The following EFNA4 variants were observed in gnomAD, a reference collection of about 807,000 sequenced individuals.
EFNA4 encodes the protein ephrin-A4.
Under a neutral mutation model 23.7 loss-of-function variants are expected in EFNA4, and 22 were observed. That is an observed-to-expected ratio of 0.93 (90% CI 0.66 to 1.32). EFNA4 has a LOEUF of 1.32. Ranked by LOEUF, EFNA4 falls within the 40% of genes most tolerant of loss-of-function variation. EFNA4 has a pLI of 0.00. For synonymous variants in EFNA4, 113 were observed against 108.3 expected, an observed-to-expected ratio of 1.04 and a Z score of -0.27; for missense variants, 252 against 252.3, an observed-to-expected ratio of 1.00 and a Z score of 0.01.
intron 1 of EFNA4, among the ~76,000 whole-genome samples, chr1:155,065,563 G>A (rs534692932): frequency 1.4e-5 from 2 of 146,558 alleles, no homozygotes; most frequent in Non-Finnish European, 3.0e-5. Flanking sequence ...AGAATTTAGA[G>A]ACAGGGTCTT....
At chr1:155,064,536 C>T (rs2102439615) in intron 1 of EFNA4, among the ~76,000 whole-genome samples, 1 of 152,268 alleles carries the variant, frequency 6.6e-6, no homozygotes, top group East Asian at 1.9e-4. Flanking sequence ...CTAATAATAC[C>T]TAGTACCCTG....
intron 1 of EFNA4, among the ~76,000 whole-genome samples, chr1:155,066,026 G>A (rs1009718730): frequency 6.6e-6 from 1 of 151,826 alleles, no homozygotes; most frequent in Non-Finnish European, 1.5e-5. Context: ...GTGAGCCACC[G>A]CGCCCAGCCT....
intron 3 of EFNA4, 88 bp downstream of exon 3, chr1:155,067,528 C>A: frequency 1.4e-6 from 2 of 1,453,060 alleles, no homozygotes; most frequent in South Asian, 1.2e-5. Context: ...GAGGATCAGA[C>A]TCCAGGGGTC....
chr1:155,067,309 A>G (rs752859260), intron 2 of EFNA4, 63 bp from the exon 3 acceptor site: 54 of 1,579,760 alleles, frequency 3.4e-5, no homozygotes, highest in Non-Finnish European at 4.6e-5. Flanking sequence ...GGTCTGAAAC[A>G]GTCTGAGGCA....
In EFNA4 at chr1:155,066,719, T is replaced by C; in HGVS notation, c.114-11T>C. On this transcript the variant is annotated splice_polypyrimidine_tract_variant and intron_variant, in intron 1 of 3. Transcript: ENST00000368409. ...TCCACTCCTCAGCCCACCCCTGCGT[T>C]ATGCCTGCAGGTTGCTTCGAGGAGA... The C allele has an allele frequency of 6.4e-7, 1 of 1,573,788 alleles. No individual in the cohort carries two copies. Among genetic ancestry groups the C allele is most frequent in the Non-Finnish European group, 8.6e-7 (1 of 1,161,642 alleles).
chr1:155,064,046 C>A, intron 1 of EFNA4, 110 bp downstream of exon 1: 1 of 494,204 alleles, frequency 2.0e-6, no homozygotes, highest in Non-Finnish European at 3.0e-6. Context: ...GGCCGCGCGC[C>A]GGGGCTCCTT....
At chr1:155,066,684 C>T (rs1157832390) in intron 1 of EFNA4, 46 bp from the exon 2 acceptor site, 11 of 1,521,432 alleles carry the variant, frequency 7.2e-6, no homozygotes, top group Middle Eastern at 1.8e-4. Context: ...ATGGCCATGG[C>T]GTGGTGCCCT....
chr1:155,065,742 T>G (rs1452793739), intron 1 of EFNA4, among the ~76,000 whole-genome samples: 1 of 122,978 alleles, frequency 8.1e-6, no homozygotes, highest in East Asian at 3.3e-4. Context: ...ATTTATTTAT[T>G]TATTTTTTGA....
Position 155,064,612 on chromosome 1 carries a change from A to G in EFNA4, c.113+676A>G, listed in dbSNP as rs1175450434. On this transcript the variant is annotated intron_variant, in intron 1 of 3. Coordinates refer to ENST00000368409, the MANE Select transcript of EFNA4 (RefSeq NM_005227.3). ...GGCTCAGGCTGTACAGATATAAACT[A>G]TTATTTCTTTCTCTCTCCTGAGCTG... Among the ~76,000 whole-genome samples, 3 of 152,100 alleles carry G rather than the reference A, an allele frequency of 2.0e-5. No homozygotes were observed. In the East Asian group the frequency reaches 5.8e-4, roughly 29 times the overall value.
rs544709911 is a variant in EFNA4, at chr1:155,068,892, G to C, written c.509G>C (p.Ser170Thr). 2.5e-6 allele frequency: 4 copies of C among 1,613,986 alleles called. No homozygotes were observed. In the South Asian group the frequency reaches 3.3e-5, roughly 13 times the overall value. The change falls in exon 4 of 4, where the codon AGT becomes ACT. Residue 170 changes from serine to threonine, a missense_variant. Physicochemically the swap from Ser to Thr is moderately conservative, Grantham distance 58. Coordinates refer to ENST00000368409, the MANE Select transcript of EFNA4 (RefSeq NM_005227.3). ...CATCCTGTTGGGAGCCCTGGAGAGA[G>C]TGGCACATCAGGGTGGCGAGGGGGG... ...SAHPVGSPGE[S>T]GTSGWRGGDT... is the part of the protein sequence containing the mutation.
At position 155,063,750 on chromosome 1, in the gene EFNA4, T is replaced by G. The variant is rs941502694; in HGVS notation, c.-74T>G. ...CCCTTTCCGCAACTTCCCTCTTCAC[T>G]TTGTACCTTTCTCTCCTCGACTGTG... On this transcript the variant is annotated 5_prime_UTR_variant, in exon 1 of 4. Coordinates refer to ENST00000368409, the MANE Select transcript of EFNA4 (RefSeq NM_005227.3). This position sits in a 1 kb window ranked among gnomAD's most constrained non-coding sequence, Gnocchi z 4.1. 11 of 1,346,258 alleles carry G rather than the reference T, an allele frequency of 8.2e-6. No individual in the cohort carries two copies. The highest frequency in any genetic ancestry group is 1.1e-5 in the Non-Finnish European group (11 of 1,012,746). 83.4% of individuals were successfully genotyped at this position (1,346,258 alleles called of 1,614,324 possible).
At chr1:155,067,322 C>T (rs371254679) in intron 2 of EFNA4, 50 bp from the exon 3 acceptor site, 137 of 1,603,822 alleles carry the variant, frequency 8.5e-5, no homozygotes, top group Non-Finnish European at 9.4e-5. Context: ...CTGAGGCATA[C>T]AAAGGGGTGA....
rs201078911 is a variant in EFNA4 at position 155,066,831 on chromosome 1, C to T, written c.215C>T (p.Thr72Met). Reference sequence around the variant, plus strand: ...CCAGGGCCCCCTGAGGGCCCCGAGACGTTTGCTTTGTACATGGTGGACTGG... The same window carrying T: ...CCAGGGCCCCCTGAGGGCCCCGAGATGTTTGCTTTGTACATGGTGGACTGG... Reference protein sequence around the residue: ...EGPGPPEGPETFALYMVDWPG... With the variant: ...EGPGPPEGPEMFALYMVDWPG... Residue 72 changes from threonine (T) to methionine (M), a missense_variant, in exon 2 of 4, where the codon ACG (threonine) becomes ATG (methionine). By Grantham distance (81) the Thr-to-Met change is moderately conservative. Transcript: ENST00000368409. The T allele has an allele frequency of 4.8e-5, 78 of 1,614,044 alleles. No individual in the cohort carries two copies. The Admixed American group carries it at 9.5e-4, about 20-fold the overall frequency.
rs201670234 is a variant in EFNA4 at position 155,067,393 on chromosome 1, C to T, written c.422C>T (p.Ser141Phe). ...CCAGCGGTGCCCACTCCAGAGAGTT[C>T]TGGCCAGTGCTTGAGGCTCCAGGTG... ...YYISVPTPESSGQCLRLQVSV... is the reference protein window; with the variant it reads ...YYISVPTPESFGQCLRLQVSV... Residue 141 changes from serine (S) to phenylalanine (F), a missense_variant, in exon 3 of 4, where the codon TCT (serine) becomes TTT (phenylalanine). Ser to Phe is a radical substitution (Grantham distance 155). Transcript: ENST00000368409. The T allele has an allele frequency of 2.7e-5, 44 of 1,614,082 alleles. No individual in the cohort carries two copies. Among genetic ancestry groups the T allele is most frequent in the Non-Finnish European group, 3.3e-5 (39 of 1,180,044 alleles).
chr1:155,067,420 C>CT lies in EFNA4; in HGVS notation c.450dup (p.Val151CysfsTer9), dbSNP rs1663078516. The CT allele has an allele frequency of 1.2e-6, 2 of 1,614,058 alleles. No individual in the cohort carries two copies. On this transcript the variant is annotated frameshift_variant, in exon 3 of 4. Coordinates refer to ENST00000368409, the MANE Select transcript of EFNA4 (RefSeq NM_005227.3). LOFTEE classifies it high-confidence loss of function. ...GGCCAGTGCTTGAGGCTCCAGGTGT[C>CT]TGTCTGCTGCAAGGAGAGGAGTAAG...
In EFNA4 at chr1:155,063,908, G is replaced by C; in HGVS notation, c.85G>C (p.Val29Leu). ...PLRGGSSLRH[V>L]VYWNSSNPRL... ...GCGCGGGGGCTCCAGCCTCCGCCAC[G>C]TAGTCTACTGGAACTCCAGTAACCC... The change falls in exon 1 of 4, where the codon GTA becomes CTA. Residue 29 changes from valine (V) to leucine (L), a missense_variant. Coordinates refer to ENST00000368409, the MANE Select transcript of EFNA4 (RefSeq NM_005227.3). The surrounding 1 kb of genome is among the most constrained non-coding windows in gnomAD (Gnocchi z 4.1). 6.4e-7 allele frequency: 1 copy of C among 1,567,806 alleles called. No homozygotes were observed. The highest frequency in any genetic ancestry group is 8.6e-7 in the Non-Finnish European group (1 of 1,158,364).
At position 155,066,354 on chromosome 1, in the gene EFNA4, C is replaced by T. The variant is rs549490867; in HGVS notation, c.114-376C>T. Among the ~76,000 whole-genome samples, 14 of 152,310 alleles carry T rather than the reference C, an allele frequency of 9.2e-5. No individual in the cohort carries two copies. The South Asian group carries it at 2.9e-3, about 32-fold the overall frequency. On this transcript the variant is annotated intron_variant, in intron 1 of 3. Coordinates refer to ENST00000368409, the MANE Select transcript of EFNA4 (RefSeq NM_005227.3). ...TCTCTGCCCAGCTTCTTCACAGCATCCATCCACCTGACATTGATCAAGCCT... is the reference window on the plus strand; with the variant it reads ...TCTCTGCCCAGCTTCTTCACAGCATTCATCCACCTGACATTGATCAAGCCT...
chr1:155,067,983 C>T (rs569192174), intron 3 of EFNA4, among the ~76,000 whole-genome samples: 2 of 152,024 alleles, frequency 1.3e-5, no homozygotes, highest in African/African-American at 4.8e-5. Flanking sequence ...TGCAGTGGCA[C>T]GATCATACCT....
At position 155,067,388 on chromosome 1, in the gene EFNA4, GAGT is replaced by G; in HGVS notation, c.418_420del (p.Ser141del). The G allele has an allele frequency of 6.2e-7, 1 of 1,614,218 alleles. No homozygotes were observed. Among genetic ancestry groups the G allele is most frequent in the Non-Finnish European group, 8.5e-7 (1 of 1,180,032 alleles). On this transcript the variant is annotated inframe_deletion, in exon 3 of 4. Coordinates refer to ENST00000368409, the MANE Select transcript of EFNA4 (RefSeq NM_005227.3). ...ACTACCCAGCGGTGCCCACTCCAGA[GAGT>G]TCTGGCCAGTGCTTGAGGCTCCAGG... is the stretch of plus-strand genomic sequence containing the variant.
Sources: gnomAD v4.1 joint callset for allele counts (sites outside exome capture counted in the v4.1 genomes callset) on GRCh38, gnomAD v4.1.1 for gene constraint, Gnocchi (gnomAD v3.1) non-coding constraint, MANE v1.5 for transcripts, NCBI Gene and HGNC (gene_info 2026-07-23, HGNC 2026-07-21) for gene names.